The following ROBO2 variants were observed in gnomAD, a reference collection of about 807,000 sequenced individuals.
ROBO2 encodes the protein roundabout guidance receptor 2.
ROBO2 carries 53 observed loss-of-function variants against 160.8 expected under a neutral mutation model. That is an observed-to-expected ratio of 0.33 (90% CI 0.26 to 0.41). The LOEUF (loss-of-function observed/expected upper bound fraction) is 0.41. Ranked by LOEUF, ROBO2 falls within the 10% of genes least tolerant of loss-of-function variation. The pLI, the probability that ROBO2 is intolerant of heterozygous loss-of-function variation, is 1.00. For missense variants in ROBO2, 1,577 were observed against 1,722.4 expected (o/e 0.92, Z 1.49); for synonymous variants, 664 against 611.7 (o/e 1.09, Z -1.26).
At chr3:76,485,857 GAAAC>G (rs1023442002) in intron 2 of ROBO2, among the ~76,000 whole-genome samples, 8 of 152,160 alleles carry the variant, frequency 5.3e-5, no homozygotes, top group South Asian at 2.1e-4. Context: ...TTAGAACAAA[GAAAC>G]AAACAAACAA....
At position 76,336,422 on chromosome 3, in the gene ROBO2, G is replaced by T. The variant is rs534281624; in HGVS notation, c.109+398820G>T. ...TAAAGGAATAAGAAAATGGGTAGTG[G>T]TGGATAAATGGCAGTCTCTGCTATG... On this transcript the variant is annotated intron_variant, in intron 2 of 26. Coordinates refer to the ROBO2 transcript ENST00000487694. 2.0e-5 allele frequency among the ~76,000 whole-genome samples: 3 copies of T among 152,306 alleles called. No individual in the cohort carries two copies. The South Asian group carries it at 6.2e-4, about 32-fold the overall frequency.
chr3:76,759,541 G>T (rs1405143961), intron 2 of ROBO2, among the ~76,000 whole-genome samples: 2 of 151,554 alleles, frequency 1.3e-5, no homozygotes, highest in Non-Finnish European at 3.0e-5. Context: ...GCACATAGTT[G>T]GATCTCCGGA....
intron 2 of ROBO2, among the ~76,000 whole-genome samples, chr3:76,354,066 C>CGAAGCATTTTAAATCGTAATGCT (rs1354182423): frequency 2.7e-4 from 41 of 151,850 alleles, no homozygotes; most frequent in Admixed American, 2.6e-3. Flanking sequence ...TCAACATAGA[C>CGAAGCATTTTAAATCGTAATGCT]GAAGCATTTT....
At chr3:77,328,726 G>A (rs955515396) in intron 2 of ROBO2, among the ~76,000 whole-genome samples, 1 of 151,896 alleles carries the variant, frequency 6.6e-6, no homozygotes, top group South Asian at 2.1e-4. Context: ...TTTATACTCT[G>A]AAAAAATAAA....
chr3:77,349,633 A>C (rs1354323358), intron 2 of ROBO2, among the ~76,000 whole-genome samples: 3 of 152,192 alleles, frequency 2.0e-5, no homozygotes, highest in Admixed American at 6.5e-5. Context: ...CTTCAAGAGG[A>C]TACTCCAAAG....
chr3:76,647,867 A>T (rs907048760), intron 2 of ROBO2, among the ~76,000 whole-genome samples: 3 of 152,178 alleles, frequency 2.0e-5, no homozygotes, highest in Non-Finnish European at 2.9e-5. Context: ...TGTGGGGGAA[A>T]AACAAAAATC....
At chr3:77,542,821 T>A (rs1303811337) in intron 6 of ROBO2, among the ~76,000 whole-genome samples, 1 of 152,194 alleles carries the variant, frequency 6.6e-6, no homozygotes, top group Non-Finnish European at 1.5e-5. Context: ...TCTCTAATCC[T>A]CATCTACATT....
At chr3:76,335,348 T>G (rs1303669490) in intron 2 of ROBO2, among the ~76,000 whole-genome samples, 1 of 151,272 alleles carries the variant, frequency 6.6e-6, no homozygotes, top group Non-Finnish European at 1.5e-5. Context: ...GCCTGGTTAA[T>G]TTTTGTATTT....
chr3:77,014,039 C>A (rs1241364994), intron 2 of ROBO2, among the ~76,000 whole-genome samples: 2 of 148,822 alleles, frequency 1.3e-5, no homozygotes, highest in Non-Finnish European at 3.0e-5. Context: ...GCCAAATTGT[C>A]CCTGTCTCTT....
chr3:77,204,600 A>G (rs984289461), intron 2 of ROBO2, among the ~76,000 whole-genome samples: 1 of 152,160 alleles, frequency 6.6e-6, no homozygotes, highest in East Asian at 1.9e-4. Context: ...CTTCATTTCT[A>G]ATAAACATAG....
intron 2 of ROBO2, among the ~76,000 whole-genome samples, chr3:76,071,149 C>T (rs1368647854): frequency 6.6e-6 from 1 of 151,998 alleles, no homozygotes; most frequent in East Asian, 1.9e-4. Flanking sequence ...ATGATTTATC[C>T]ATTTAGATAA....
chr3:75,970,723 T>G (rs908060723), intron 2 of ROBO2, among the ~76,000 whole-genome samples: 1 of 151,434 alleles, frequency 6.6e-6, no homozygotes, highest in Non-Finnish European at 1.5e-5. Context: ...GCACACATTC[T>G]CTTCAGCTGA....
At chr3:77,350,331 G>T (rs1284322808) in intron 2 of ROBO2, among the ~76,000 whole-genome samples, 5 of 152,126 alleles carry the variant, frequency 3.3e-5, no homozygotes, top group Non-Finnish European at 4.4e-5. Context: ...ACTCCAGCTT[G>T]GGTGACAATG....
chr3:76,359,019 G>A (rs4462973), intron 2 of ROBO2, among the ~76,000 whole-genome samples: 18,614 of 148,292 alleles, frequency 0.13, 1,366 homozygotes, highest in African/African-American at 0.21. Flanking sequence ...GAGAACACGC[G>A]GTGTTTGGTT....
At chr3:76,612,829 G>A (rs756571773) in intron 2 of ROBO2, among the ~76,000 whole-genome samples, 7 of 152,046 alleles carry the variant, frequency 4.6e-5, no homozygotes, top group East Asian at 1.9e-4. Context: ...ATTATATAAC[G>A]ATCTCCTTTG....
At chr3:75,968,873 C>T (rs2064894702) in intron 2 of ROBO2, among the ~76,000 whole-genome samples, 1 of 140,054 alleles carries the variant, frequency 7.1e-6, no homozygotes. Flanking sequence ...TTAGATAGCA[C>T]ATAGATAGCA....
chr3:76,013,161 A>G (rs2066257305), intron 2 of ROBO2, among the ~76,000 whole-genome samples: 1 of 148,374 alleles, frequency 6.7e-6, no homozygotes, highest in Admixed American at 6.7e-5. Context: ...GAGGCTGGGC[A>G]CGGTGGCTTA....
At chr3:77,199,489 T>A (rs2082614550) in intron 2 of ROBO2, among the ~76,000 whole-genome samples, 1 of 152,130 alleles carries the variant, frequency 6.6e-6, no homozygotes, top group Non-Finnish European at 1.5e-5. Context: ...AGTTCAGCTG[T>A]TTTTATTACA....
chr3:76,872,276 G>A (rs561164758), intron 2 of ROBO2, among the ~76,000 whole-genome samples: 4 of 152,188 alleles, frequency 2.6e-5, no homozygotes, highest in African/African-American at 9.6e-5. Flanking sequence ...TGAAATAAAT[G>A]TTTGTATCAT....
Sources: gnomAD v4.1 joint callset for allele counts (sites outside exome capture counted in the v4.1 genomes callset) on GRCh38, gnomAD v4.1.1 for gene constraint, MANE v1.5 for transcripts, NCBI Gene and HGNC (gene_info 2026-07-23, HGNC 2026-07-21) for gene names.